RNF44: variants seen among roughly 807,000 people sequenced by gnomAD.
The protein encoded by RNF44 is ring finger protein 44.
RNF44 carries 25 observed loss-of-function variants against 53.6 expected under a neutral mutation model. That is an observed-to-expected ratio of 0.47 (90% CI 0.34 to 0.65). The LOEUF is 0.65. RNF44 is among the 30% of genes least tolerant of loss of function. The pLI is 0.01. For synonymous variants in RNF44, 282 were observed against 252.2 expected (o/e 1.12, Z -1.12); for missense variants, 581 against 595.5 (o/e 0.98, Z 0.25).
chr5:176,530,921 G>GGGGGGGGGGGGGGGGGCC lies in RNF44; in HGVS notation c.565_566insGGCCCCCCCCCCCCCCCC (p.Ala189delinsGlyProProProProProPro). 1.3e-6 allele frequency: 1 copy of GGGGGGGGGGGGGGGGGCC among 778,464 alleles called. No individual in the cohort carries two copies. Among genetic ancestry groups the GGGGGGGGGGGGGGGGGCC allele is most frequent in the Non-Finnish European group, 1.9e-6 (1 of 514,214 alleles). The allele number at this position is 778,464 out of a possible 1,614,324, so 48.2% of individuals were successfully genotyped here. On this transcript the variant is annotated protein_altering_variant, in exon 5 of 11. Coordinates refer to ENST00000274811, the MANE Select transcript of RNF44 (RefSeq NM_014901.5). ...CATGTGGGTGGGCTGGGGGGGTGGGGCCGGTGGTGGGGGGTGCAGGATGTA... is the reference window on the plus strand; with the variant it reads ...CATGTGGGTGGGCTGGGGGGGTGGGGGGGGGGGGGGGGGGGGCCCCGGTGGTGGGGGGTGCAGGATGTA...
upstream of RNF44, among the ~76,000 whole-genome samples, chr5:176,540,338 A>G (rs113124494): frequency 2.0e-5 from 3 of 151,830 alleles, no homozygotes; most frequent in African/African-American, 7.3e-5. Context: ...TTCCATCCCC[A>G]CCCCAGGAAA....
At position 176,533,501 on chromosome 5, in the gene RNF44, C is replaced by T. The variant is rs570970832; in HGVS notation, c.-44-985G>A. ...AAAGCCTCTCCCTGTGCTCTGCTGC[C>T]GACGGAGAGGACCAGCCCCAGGCTT... On this transcript the variant is annotated intron_variant, in intron 1 of 10. Coordinates refer to ENST00000274811, the MANE Select transcript of RNF44 (RefSeq NM_014901.5). 3.7e-4 allele frequency among the ~76,000 whole-genome samples: 57 copies of T among 152,272 alleles called. 1 individual carries two copies. The Middle Eastern group carries it at 0.01, about 27-fold the overall frequency.
At chr5:176,530,506 C>A in intron 6 of RNF44, 76 bp downstream of exon 6, 1 of 1,330,124 alleles carries the variant, frequency 7.5e-7, no homozygotes, top group Non-Finnish European at 9.7e-7. Flanking sequence ...TGCCTGGGAG[C>A]CCAGATGCAG....
Position 176,529,653 on chromosome 5 carries a change from G to A in RNF44, c.1015-9C>T, listed in dbSNP as rs745604500. 1.5e-5 allele frequency: 24 copies of A among 1,613,666 alleles called. No homozygotes were observed. Among genetic ancestry groups the A allele is most frequent in the South Asian group, 1.4e-4 (13 of 91,068 alleles). ...GCCAGGTTCAGGAGGGCCTGCATGC[G>A]GGCAGGAGACGGGGTCAGCGGCGCC... is the stretch of plus-strand genomic sequence containing the variant. On this transcript the variant is annotated splice_polypyrimidine_tract_variant and intron_variant, in intron 8 of 10. Transcript: ENST00000274811.
Position 176,532,420 on chromosome 5 carries a change from C to T in RNF44, c.53G>A (p.Gly18Asp), listed in dbSNP as rs954999391. The part of the protein sequence containing the change: ...VTRWPPSAPV[G>D]QRRFSAGPGS... ...AGGTCCCGCAGAGAATCGCCGCTGG[C>T]CCACGGGGGCGGAGGGTGGCCACCT... is the stretch of plus-strand genomic sequence containing the variant. The change falls in exon 2 of 11, where the codon GGC becomes GAC. Residue 18 changes from glycine to aspartate, a missense_variant. By Grantham distance (94) the Gly-to-Asp change is moderately conservative. Coordinates refer to ENST00000274811, the MANE Select transcript of RNF44 (RefSeq NM_014901.5). The T allele has an allele frequency of 1.2e-6, 2 of 1,608,672 alleles. No homozygotes were observed. Among genetic ancestry groups the T allele is most frequent in the Non-Finnish European group, 1.7e-6 (2 of 1,179,092 alleles).
In RNF44 at chr5:176,529,571, A is replaced by AGCT; in HGVS notation, c.1085_1087dup (p.Gln362dup). ...GTCCGGGTTAAAGCGGTACGACGGG[A>AGCT]GCTGCTCTATGTCTGCTTTGGTGAG... On this transcript the variant is annotated inframe_insertion, in exon 9 of 11. Coordinates refer to ENST00000274811, the MANE Select transcript of RNF44 (RefSeq NM_014901.5). The AGCT allele has an allele frequency of 6.2e-7, 1 of 1,614,000 alleles. No individual in the cohort carries two copies. The highest frequency in any genetic ancestry group is 8.5e-7 in the Non-Finnish European group (1 of 1,180,006).
Position 176,534,763 on chromosome 5 carries a change from G to GC in RNF44, c.-45+2176dup, listed in dbSNP as rs564702870. Reference sequence around the variant, plus strand: ...GGCGCCAACTTGGTGAGTCCTCCCAGCAACACTGGCAGGTCAGGACACCAA... The same window carrying GC: ...GGCGCCAACTTGGTGAGTCCTCCCAGCCAACACTGGCAGGTCAGGACACCAA... On this transcript the variant is annotated intron_variant, in intron 1 of 10. Coordinates refer to ENST00000274811, the MANE Select transcript of RNF44 (RefSeq NM_014901.5). 1.1e-4 allele frequency among the ~76,000 whole-genome samples: 17 copies of GC among 152,328 alleles called. No homozygotes were observed. In the East Asian group the frequency reaches 2.9e-3, roughly 26 times the overall value.
rs1204536277 is a variant in RNF44, at chr5:176,526,748, C to T, written c.*2280G>A. 1 of 152,386 alleles carries T rather than the reference C, an allele frequency of 6.6e-6. No homozygotes were observed. The highest frequency in any genetic ancestry group is 1.5e-5 in the Non-Finnish European group (1 of 68,034). The allele number at this position is 152,386 out of a possible 1,614,324, so 9.4% of individuals were successfully genotyped here. On this transcript the variant is annotated 3_prime_UTR_variant, in exon 11 of 11. Transcript: ENST00000274811. Reference sequence around the variant, plus strand: ...CATACATTTATTAGTGAATATCCCTCTGAAATCAGCAACAATATTAAAAAA... The same window carrying T: ...CATACATTTATTAGTGAATATCCCTTTGAAATCAGCAACAATATTAAAAAA...
In RNF44 at chr5:176,530,432, A is replaced by G. The variant is rs180725328; in HGVS notation, c.801+150T>C. 3.6e-3 allele frequency: 2,895 copies of G among 794,270 alleles called. 249 individuals are homozygous for G. Among genetic ancestry groups the G allele is most frequent in the South Asian group, 0.015 (543 of 35,082 alleles). The allele number at this position is 794,270 out of a possible 1,614,324, so 49.2% of individuals were successfully genotyped here. Reference sequence around the variant, plus strand: ...GAGCCCAGGTGCAAGTCAGCCCAGCAGGCCTGCCTCCCAGCCGCCCCGGAG... The same window carrying G: ...GAGCCCAGGTGCAAGTCAGCCCAGCGGGCCTGCCTCCCAGCCGCCCCGGAG... On this transcript the variant is annotated intron_variant, in intron 6 of 10. Coordinates refer to ENST00000274811, the MANE Select transcript of RNF44 (RefSeq NM_014901.5).
chr5:176,532,503 C>T lies in RNF44; in HGVS notation c.-31G>A, dbSNP rs772010373. 11 of 1,532,522 alleles carry T rather than the reference C, an allele frequency of 7.2e-6. No individual in the cohort carries two copies. Among genetic ancestry groups the T allele is most frequent in the Middle Eastern group, 1.7e-4 (1 of 5,834 alleles). The allele number at this position is 1,532,522 out of a possible 1,614,324, so 94.9% of individuals were successfully genotyped here. A position where few individuals can be genotyped will look rare whatever the true frequency, so the allele number is the denominator to read the frequency against. On this transcript the variant is annotated 5_prime_UTR_variant, in exon 2 of 11. Coordinates refer to ENST00000274811, the MANE Select transcript of RNF44 (RefSeq NM_014901.5). The stretch of plus-strand genomic sequence containing the variant: ...GGGCAGGGGGGTGGAGGGGCTGGGC[C>T]GGGACTCACAACCCTAGGAGGCAAG...
At position 176,531,991 on chromosome 5, in the gene RNF44, G is replaced by A. The variant is rs1383745882; in HGVS notation, c.297+13C>T. 6.2e-7 allele frequency: 1 copy of A among 1,603,840 alleles called. No homozygotes were observed. The highest frequency in any genetic ancestry group is 1.3e-5 in the African/African-American group (1 of 74,620). ...CACAGGGCCAGGGGCACAGGGGATG[G>A]GGTTCTGCCTACCTGCTCGTGGAGA... On this transcript the variant is annotated intron_variant, in intron 3 of 10. Transcript: ENST00000274811. The surrounding 1 kb of genome is among the most constrained non-coding windows in gnomAD (Gnocchi z 4.2).
upstream of RNF44, among the ~76,000 whole-genome samples, chr5:176,539,412 G>A (rs1367374504): frequency 1.3e-5 from 2 of 152,132 alleles, no homozygotes; most frequent in African/African-American, 2.4e-5. Context: ...CCCCATGGCC[G>A]GGCACGGTGG....
Position 176,529,037 on chromosome 5 carries a change from C to A in RNF44, c.1290G>T (p.Glu430Asp), listed in dbSNP as rs1756303418. 1.2e-6 allele frequency: 2 copies of A among 1,612,456 alleles called. No homozygotes were observed. Residue 430 changes from glutamate to aspartate, a missense_variant, in exon 11 of 11, where the codon GAG becomes GAT. Around this residue, in one of 3 missense-constraint regions of RNF44, gnomAD observed 183 missense variants for 198.6 expected, o/e 0.92. Coordinates refer to ENST00000274811, the MANE Select transcript of RNF44 (RefSeq NM_014901.5). ...AGGCGGCTGCGTGGCCTCACTCAGC[C>A]TCCCTGGGCACCTCGGAGGCGTCGG... Reference protein sequence around the residue: ...CRADASEVPREAE With the variant: ...CRADASEVPRDAE
In RNF44 at chr5:176,530,888, A is replaced by C; in HGVS notation, c.599T>G (p.Leu200Arg). ...PPPQPTHMAP[L>R]GQFVSLQTQH... The stretch of plus-strand genomic sequence containing the variant: ...GGTCTGCAGAGACACAAACTGCCCC[A>C]GGGGCGCCATGTGGGTGGGCTGGGG... The change falls in exon 5 of 11, where the codon CTG becomes CGG. Residue 200 changes from leucine to arginine, a missense_variant. Physicochemically the swap from Leu to Arg is moderately radical, Grantham distance 102. Around this residue, in one of 3 missense-constraint regions of RNF44, gnomAD observed 387 missense variants for 366.0 expected, o/e 1.06. Coordinates refer to ENST00000274811, the MANE Select transcript of RNF44 (RefSeq NM_014901.5). The C allele has an allele frequency of 5.6e-6, 1 of 179,244 alleles. No homozygotes were observed. The highest frequency in any genetic ancestry group is 8.0e-6 in the Non-Finnish European group (1 of 125,140). 11.1% of individuals were successfully genotyped at this position (179,244 alleles called of 1,614,324 possible).
At chr5:176,529,692 C>G in intron 8 of RNF44, 39 bp downstream of exon 8, 1 of 1,610,896 alleles carries the variant, frequency 6.2e-7, no homozygotes, top group Non-Finnish European at 8.5e-7. Flanking sequence ...GGCTGCAGGT[C>G]TCCCAAACCC....
upstream of RNF44, among the ~76,000 whole-genome samples, chr5:176,541,960 G>A (rs890509294): frequency 6.6e-6 from 1 of 152,170 alleles, no homozygotes. Context: ...AGTAGACAAA[G>A]CCCTGCTAAG....
At position 176,537,302 on chromosome 5, in the gene RNF44, T is replaced by A. The variant is rs1379948532; in HGVS notation, c.-407A>T. ...AGCGGAATGTAACAAACCCCACATT[T>A]GATTCACAACATTCGAAGCGGCGGG... On this transcript the variant is annotated 5_prime_UTR_variant, in exon 1 of 11. Coordinates refer to ENST00000274811, the MANE Select transcript of RNF44 (RefSeq NM_014901.5). 1 of 152,170 alleles carries A rather than the reference T, an allele frequency of 6.6e-6. No homozygotes were observed. Among genetic ancestry groups the A allele is most frequent in the Non-Finnish European group, 1.5e-5 (1 of 68,038 alleles). 9.4% of individuals were successfully genotyped at this position (152,170 alleles called of 1,614,324 possible).
chr5:176,531,514 G>A lies in RNF44; in HGVS notation c.414C>T (p.Cys138=), dbSNP rs774604510. 6.2e-7 allele frequency: 1 copy of A among 1,603,232 alleles called. No individual in the cohort carries two copies. Among genetic ancestry groups the A allele is most frequent in the Non-Finnish European group, 8.5e-7 (1 of 1,175,212 alleles). Residue 138 remains cysteine, a synonymous_variant, in exon 4 of 11, where the codon TGC becomes TGT. Coordinates refer to ENST00000274811, the MANE Select transcript of RNF44 (RefSeq NM_014901.5). The surrounding 1 kb of genome is among the most constrained non-coding windows in gnomAD (Gnocchi z 4.2). ...PGCSAQQLPA[C]SVMFSGQHYP... ...AATGCTGCCCACTGAACATCACGGA[G>A]CATGCTGGGAGCTGCTGGGCACTGC...
rs749950394 is a variant in RNF44, at chr5:176,530,761, G to T, written c.640-18C>A. Reference sequence around the variant, plus strand: ...TGGAGGGGCTGGAAGAACCAGCGCCGGGTCAGCAAGTCAGTGAGACGAGGC... The same window carrying T: ...TGGAGGGGCTGGAAGAACCAGCGCCTGGTCAGCAAGTCAGTGAGACGAGGC... On this transcript the variant is annotated intron_variant, in intron 5 of 10. Coordinates refer to ENST00000274811, the MANE Select transcript of RNF44 (RefSeq NM_014901.5). The T allele has an allele frequency of 6.6e-7, 1 of 1,515,696 alleles. No individual in the cohort carries two copies. Among genetic ancestry groups the T allele is most frequent in the Non-Finnish European group, 8.8e-7 (1 of 1,135,396 alleles). 93.9% of individuals were successfully genotyped at this position (1,515,696 alleles called of 1,614,324 possible).
Sources: allele counts gnomAD v4.1 joint callset (sites outside exome capture counted in the v4.1 genomes callset), GRCh38; gene constraint gnomAD v4.1.1; regional missense constraint gnomAD v4.1.1; non-coding constraint Gnocchi (gnomAD v3.1); transcripts MANE v1.5; gene names NCBI Gene and HGNC (gene_info 2026-07-23, HGNC 2026-07-21).